The following ZNF592 variants were observed in gnomAD, a reference collection of about 807,000 sequenced individuals.
ZNF592 encodes the protein spinocerebellar ataxia, autosomal recessive 5.
A neutral mutation model predicts 80.3 loss-of-function variants in ZNF592; 11 were observed. The ratio of observed to expected loss-of-function variants is 0.14; its 90% CI spans 0.09 to 0.23. The LOEUF (loss-of-function observed/expected upper bound fraction) is 0.23, where lower values mean the gene tolerates loss of function less well. Ranked by LOEUF, ZNF592 falls within the 10% of genes least tolerant of loss-of-function variation. The pLI is 1.00. For synonymous variants in ZNF592, 646 were observed against 640.3 expected, an observed-to-expected ratio of 1.01 and a Z score of -0.13; for missense variants, 1,420 against 1,633.9, an observed-to-expected ratio of 0.87 and a Z score of 2.26.
chr15:84,790,763 G>A lies in ZNF592; in HGVS notation c.2279G>A (p.Arg760Gln). 1 of 1,614,168 alleles carries A rather than the reference G, an allele frequency of 6.2e-7. No homozygotes were observed. Among genetic ancestry groups the A allele is most frequent in the African/African-American group, 1.3e-5 (1 of 75,022 alleles). ...PNQCSFCAHQRIHAHKSPYCC... is the reference protein window; with the variant it reads ...PNQCSFCAHQQIHAHKSPYCC... ...CAGTGCAGTTTCTGTGCCCACCAGC[G>A]GATTCATGCACACAAGTCCCCCTAC... The change falls in exon 5 of 11, where the codon CGG (arginine) becomes CAG (glutamine). Residue 760 changes from arginine to glutamine, a missense_variant. This residue lies in a region of ZNF592 where 524 missense variants were observed against 628.3 expected (regional missense o/e 0.83). Transcript: ENST00000560079.
chr15:84,798,628 G>A lies in ZNF592; in HGVS notation c.2777G>A (p.Ser926Asn), dbSNP rs8182086. The A allele has an allele frequency of 0.25, 410,082 of 1,613,784 alleles. 55,769 individuals carry two copies. Among genetic ancestry groups the A allele is most frequent in the East Asian group, 0.43 (19,505 of 44,856 alleles). Reference sequence around the variant, plus strand: ...CCCCGAAATGTGGACGAGCTGTCAAGCCTCCAGTCTTCAGCGGACACATCC... The same window carrying A: ...CCCCGAAATGTGGACGAGCTGTCAAACCTCCAGTCTTCAGCGGACACATCC... ...GVPRNVDELS[S>N]LQSSADTSSS... The change falls in exon 8 of 11, where the codon AGC becomes AAC. Residue 926 changes from serine to asparagine, a missense_variant. This residue lies in a region of ZNF592 where 331 missense variants were observed against 347.0 expected (regional missense o/e 0.95). Coordinates refer to ENST00000560079, the MANE Select transcript of ZNF592 (RefSeq NM_014630.3). This position sits in a 1 kb window ranked among gnomAD's most constrained non-coding sequence, Gnocchi z 4.5.
chr15:84,785,540 G>A (rs1962565470), intron 4 of ZNF592, among the ~76,000 whole-genome samples: 2 of 152,182 alleles, frequency 1.3e-5, no homozygotes, highest in African/African-American at 4.8e-5. Context: ...TTGAACTCCT[G>A]GCTTCAAGTG....
At chr15:84,775,543 C>T (rs528806395) in intron 2 of ZNF592, among the ~76,000 whole-genome samples, 3 of 152,278 alleles carry the variant, frequency 2.0e-5, no homozygotes, top group African/African-American at 4.8e-5. Flanking sequence ...AGAGATTCTC[C>T]TGCGTCGGCC....
chr15:84,777,290 A>G (rs991355079), intron 2 of ZNF592, among the ~76,000 whole-genome samples: 1 of 152,076 alleles, frequency 6.6e-6, no homozygotes, highest in Admixed American at 6.5e-5. Flanking sequence ...CTGCCTGGCC[A>G]ACATGGCAAA....
In ZNF592 at chr15:84,797,982, C is replaced by T; in HGVS notation, c.2513C>T (p.Thr838Ile). The change falls in exon 6 of 11, where the codon ACT (threonine) becomes ATT (isoleucine). Residue 838 changes from threonine to isoleucine, a missense_variant. Transcript: ENST00000560079. ...KCAFCPMAFK[T>I]ASSTADHSAT... ...GCATTCTGCCCCATGGCCTTCAAGA[C>T]TGCCAGCAGCACTGCAGACCACAGT... is the stretch of plus-strand genomic sequence containing the variant. 1 of 1,614,214 alleles carries T rather than the reference C, an allele frequency of 6.2e-7. No homozygotes were observed. The highest frequency in any genetic ancestry group is 8.5e-7 in the Non-Finnish European group (1 of 1,180,048).
At position 84,784,568 on chromosome 15, in the gene ZNF592, C is replaced by G; in HGVS notation, c.1893C>G (p.Ser631Arg). The G allele has an allele frequency of 6.2e-7, 1 of 1,614,212 alleles. No individual in the cohort carries two copies. Among genetic ancestry groups the G allele is most frequent in the East Asian group, 2.2e-5 (1 of 44,892 alleles). ...SKTLLFFNKC[S>R]LLRHARDHKS... ...CGCTGCTCTTCTTCAACAAGTGCAG[C>G]CTGCTCCGGCACGCCCGTGACCACA... is the stretch of plus-strand genomic sequence containing the variant. Residue 631 changes from serine to arginine, a missense_variant, in exon 4 of 11, where the codon AGC becomes AGG. Physicochemically the swap from Ser to Arg is moderately radical, Grantham distance 110 (BLOSUM62 -1). Around this residue, in one of 7 missense-constraint regions of ZNF592, gnomAD observed 524 missense variants for 628.3 expected, o/e 0.83. Coordinates refer to ENST00000560079, the MANE Select transcript of ZNF592 (RefSeq NM_014630.3). This position sits in a 1 kb window ranked among gnomAD's most constrained non-coding sequence, Gnocchi z 5.8.
intron 1 of ZNF592, among the ~76,000 whole-genome samples, chr15:84,751,273 C>T (rs1179260666): frequency 6.6e-6 from 1 of 152,236 alleles, no homozygotes; most frequent in African/African-American, 2.4e-5. Context: ...GGTTATCATA[C>T]CCATTTTACA....
chr15:84,765,647 T>C (rs1013042602), intron 2 of ZNF592, among the ~76,000 whole-genome samples: 21 of 149,256 alleles, frequency 1.4e-4, no homozygotes, highest in Admixed American at 6.8e-5. Flanking sequence ...CATGCCATTC[T>C]CCTGCCTCAG....
At chr15:84,768,770 C>T (rs562238734) in intron 2 of ZNF592, among the ~76,000 whole-genome samples, 2 of 152,288 alleles carry the variant, frequency 1.3e-5, no homozygotes, top group Admixed American at 6.5e-5. Flanking sequence ...GACCCCTTCC[C>T]ACTGGCGAGG....
chr15:84,788,975 C>A (rs1962662517), intron 4 of ZNF592, among the ~76,000 whole-genome samples: 1 of 151,658 alleles, frequency 6.6e-6, no homozygotes, highest in African/African-American at 2.4e-5. Context: ...CTTTGGGTGG[C>A]TAAGGTGGGT....
rs769922772 is a variant in ZNF592, at chr15:84,783,396, G to C, written c.721G>C (p.Ala241Pro). 1.1e-5 allele frequency: 18 copies of C among 1,614,228 alleles called. No homozygotes were observed. The South Asian group carries it at 1.9e-4, about 17-fold the overall frequency. ...DPDATRFFGEALEFNSHPSNS... is the reference protein window; with the variant it reads ...DPDATRFFGEPLEFNSHPSNS... The stretch of plus-strand genomic sequence containing the variant: ...GGATGCCACTCGATTCTTCGGGGAA[G>C]CTTTGGAGTTCAACAGCCATCCTAG... The change falls in exon 4 of 11, where the codon GCT (alanine) becomes CCT (proline). Residue 241 changes from alanine (A) to proline (P), a missense_variant. This residue lies in a region of ZNF592 where 373 missense variants were observed against 355.5 expected (regional missense o/e 1.05). Transcript: ENST00000560079. This position sits in a 1 kb window ranked among gnomAD's most constrained non-coding sequence, Gnocchi z 5.0.
chr15:84,754,136 G>A (rs975896585), intron 1 of ZNF592, among the ~76,000 whole-genome samples: 5 of 152,214 alleles, frequency 3.3e-5, no homozygotes, highest in African/African-American at 1.2e-4. Context: ...TACCTTTCGA[G>A]TTTGGTGCCA....
chr15:84,761,696 G>A lies in ZNF592; in HGVS notation c.-258-3011G>A, dbSNP rs546701802. Among the ~76,000 whole-genome samples the A allele has an allele frequency of 5.3e-5, 8 of 152,298 alleles. No individual in the cohort carries two copies. In the South Asian group the frequency reaches 1.0e-3, roughly 20 times the overall value. The stretch of plus-strand genomic sequence containing the variant: ...CCTCACGGGCTGTAATCCCAGGAGA[G>A]GAGCCTGTCTGTTCTTTCTGGTCTG... On this transcript the variant is annotated intron_variant, in intron 1 of 10. Coordinates refer to ENST00000560079, the MANE Select transcript of ZNF592 (RefSeq NM_014630.3).
intron 3 of ZNF592, among the ~76,000 whole-genome samples, chr15:84,779,725 C>T (rs1962364410): frequency 6.6e-6 from 1 of 152,070 alleles, no homozygotes; most frequent in Admixed American, 6.6e-5. Flanking sequence ...TCTGATTTTC[C>T]AGCAAAAGAT....
At chr15:84,769,110 T>G (rs1365007366) in intron 2 of ZNF592, among the ~76,000 whole-genome samples, 1 of 152,056 alleles carries the variant, frequency 6.6e-6, no homozygotes, top group Non-Finnish European at 1.5e-5. Context: ...CTGGCTAATT[T>G]TTGTATTTTT....
intron 1 of ZNF592, among the ~76,000 whole-genome samples, chr15:84,754,732 G>C (rs1468824350): frequency 6.6e-6 from 1 of 151,588 alleles, no homozygotes; most frequent in Non-Finnish European, 1.5e-5. Flanking sequence ...GAGAGGTAAT[G>C]GTGGCTCCCT....
At chr15:84,792,773 A>G (rs1962785805) in intron 5 of ZNF592, among the ~76,000 whole-genome samples, 1 of 152,224 alleles carries the variant, frequency 6.6e-6, no homozygotes, top group Non-Finnish European at 1.5e-5. Flanking sequence ...TTAAAAATGT[A>G]GACTGATTTC....
At chr15:84,768,897 A>G (rs1899616804) in intron 2 of ZNF592, among the ~76,000 whole-genome samples, 1 of 152,232 alleles carries the variant, frequency 6.6e-6, no homozygotes, top group Admixed American at 6.5e-5. Flanking sequence ...ATCTTGAACA[A>G]TCTTAATTCT....
intron 1 of ZNF592, among the ~76,000 whole-genome samples, chr15:84,760,329 C>T (rs1018687152): frequency 2.6e-5 from 4 of 152,168 alleles, no homozygotes; most frequent in African/African-American, 9.7e-5. Flanking sequence ...ATCCCTCCGC[C>T]TAAAACCTCT....
Sources: allele counts gnomAD v4.1 joint callset (sites outside exome capture counted in the v4.1 genomes callset), GRCh38; gene constraint gnomAD v4.1.1; regional missense constraint gnomAD v4.1.1; non-coding constraint Gnocchi (gnomAD v3.1); transcripts MANE v1.5; gene names NCBI Gene and HGNC (gene_info 2026-07-23, HGNC 2026-07-21).